Variants in FHDC1 observed in about 807,000 individuals in gnomAD.
FHDC1 encodes the protein FH2 domain-containing protein 1.
FHDC1 carries 25 observed loss-of-function variants against 52.6 expected under a neutral mutation model. The observed-to-expected ratio is 0.48, with a 90% CI of 0.35 to 0.66. The LOEUF is 0.66. Ranked by LOEUF, FHDC1 falls within the 30% of genes least tolerant of loss-of-function variation. The pLI is 0.01. For missense variants in FHDC1, 1,459 were observed against 1,452.8 expected, an observed-to-expected ratio of 1.00 and a Z score of -0.07; for synonymous variants, 616 against 581.5, an observed-to-expected ratio of 1.06 and a Z score of -0.85.
Position 152,975,932 on chromosome 4 carries a change from C to A in FHDC1, c.2641C>A (p.Arg881=). 1.3e-6 allele frequency: 2 copies of A among 1,513,916 alleles called. No homozygotes were observed. Among genetic ancestry groups the A allele is most frequent in the Non-Finnish European group, 1.8e-6 (2 of 1,133,454 alleles). 93.8% of individuals were successfully genotyped at this position (1,513,916 alleles called of 1,614,324 possible). The change falls in exon 12 of 12, where the codon CGG becomes AGG. Residue 881 remains arginine, a synonymous_variant. Transcript: ENST00000511601. Reference sequence around the variant, plus strand: ...CGGGGCCTCCAAGCCCGGGAGCGCCCGGCGGAGCCAGGGGGCAGTGGCCAA... The same window carrying A: ...CGGGGCCTCCAAGCCCGGGAGCGCCAGGCGGAGCCAGGGGGCAGTGGCCAA... ...SPGASKPGSA[R]RSQGAVAKSV...
chr4:152,965,021 G>A (rs1310048572), intron 9 of FHDC1, 46 bp downstream of exon 9: 1 of 1,523,466 alleles, frequency 6.6e-7, no homozygotes, highest in Non-Finnish European at 8.9e-7. Context: ...ACCTTTTTAT[G>A]AAAACTGATA....
chr4:152,929,378 T>A, the FHDC1 span, among the ~76,000 whole-genome samples: 1 of 152,172 alleles, frequency 6.6e-6, no homozygotes, highest in Admixed American at 6.5e-5. This position sits in a 1 kb window ranked among gnomAD's most constrained non-coding sequence, Gnocchi z 4.1. Context: ...GGGATGACTT[T>A]GAGTTCTGTC....
chr4:152,969,405 C>T (rs951235520), intron 10 of FHDC1, among the ~76,000 whole-genome samples: 1 of 152,178 alleles, frequency 6.6e-6, no homozygotes, highest in Non-Finnish European at 1.5e-5. Context: ...TTACAAACAC[C>T]ACCACCAATA....
chr4:152,942,618 A>G (rs1436251719), intron 1 of FHDC1, among the ~76,000 whole-genome samples: 1 of 152,232 alleles, frequency 6.6e-6, no homozygotes, highest in Non-Finnish European at 1.5e-5. Context: ...TTAGTAAACA[A>G]GTAGTTTATT....
At chr4:152,946,484 C>T (rs760333087) in intron 2 of FHDC1, among the ~76,000 whole-genome samples, 5 of 152,164 alleles carry the variant, frequency 3.3e-5, no homozygotes, top group Non-Finnish European at 7.3e-5. Flanking sequence ...TATTTTCTTC[C>T]TTCAATTTTC....
upstream of FHDC1, among the ~76,000 whole-genome samples, chr4:152,934,733 A>G (rs1299240557): frequency 6.6e-6 from 1 of 152,218 alleles, no homozygotes; most frequent in Non-Finnish European, 1.5e-5. Context: ...GCCTTAGGGT[A>G]GGATGCTGCC....
chr4:152,926,813 AC>A, the FHDC1 span, among the ~76,000 whole-genome samples: 636 of 152,066 alleles, frequency 4.2e-3, 3 homozygotes, highest in African/African-American at 0.014. Flanking sequence ...GAAAAAAAAA[AC>A]AAAACAACAA....
At chr4:152,968,307 T>G (rs1740527907) in intron 10 of FHDC1, among the ~76,000 whole-genome samples, 1 of 149,626 alleles carries the variant, frequency 6.7e-6, no homozygotes, top group African/African-American at 2.4e-5. Flanking sequence ...TTTTTTTTTG[T>G]CTCTTCGTTT....
the FHDC1 span, among the ~76,000 whole-genome samples, chr4:152,915,091 A>G: frequency 6.6e-6 from 1 of 152,198 alleles, no homozygotes; most frequent in African/African-American, 2.4e-5. Context: ...GAAGCTTTTT[A>G]TAAAAACTGC....
chr4:152,952,222 G>A (rs1002998495), intron 2 of FHDC1, among the ~76,000 whole-genome samples: 3 of 152,122 alleles, frequency 2.0e-5, no homozygotes, highest in Non-Finnish European at 4.4e-5. Flanking sequence ...ATTTAATGAT[G>A]TTTCCGAAAT....
the FHDC1 span, chr4:152,911,396 C>G: frequency 6.6e-6 from 1 of 152,370 alleles, no homozygotes; most frequent in Non-Finnish European, 1.5e-5. Context: ...TAATTTGGGA[C>G]AGTGTGGTGG....
chr4:152,935,099 C>T (rs1300848448), upstream of FHDC1, among the ~76,000 whole-genome samples: 1 of 152,206 alleles, frequency 6.6e-6, no homozygotes, highest in Non-Finnish European at 1.5e-5. Context: ...CATTTCTCTT[C>T]ATGCACCATC....
intron 10 of FHDC1, among the ~76,000 whole-genome samples, chr4:152,969,458 C>T (rs552193608): frequency 4.5e-4 from 69 of 152,212 alleles, no homozygotes; most frequent in South Asian, 3.1e-3. Context: ...TAAACAAATC[C>T]GGAAAATCAA....
At chr4:152,939,602 C>G (rs1739519953) in intron 1 of FHDC1, among the ~76,000 whole-genome samples, 1 of 152,148 alleles carries the variant, frequency 6.6e-6, no homozygotes, top group Non-Finnish European at 1.5e-5. Flanking sequence ...ATCACAGCAT[C>G]GCCTTATTGA....
the FHDC1 span, among the ~76,000 whole-genome samples, chr4:152,927,218 A>C: frequency 6.6e-6 from 1 of 152,272 alleles, no homozygotes. Context: ...GGGATTCTCT[A>C]AACGGGAGGC....
intron 7 of FHDC1, 60 bp downstream of exon 7, chr4:152,962,944 TG>T (rs879876978): frequency 0.11 from 109,707 of 1,044,622 alleles, 5,125 homozygotes; most frequent in Non-Finnish European, 0.12. Context: ...TCTAAAGGTG[TG>T]TGTGTGTGTG....
At chr4:152,971,085 ATAGGC>A (rs149316633) in intron 10 of FHDC1, among the ~76,000 whole-genome samples, 1 of 152,356 alleles carries the variant, frequency 6.6e-6, no homozygotes, top group African/African-American at 2.4e-5. Flanking sequence ...AGGAAGCAAC[ATAGGC>A]TAGGCTCAGT....
At chr4:152,919,452 T>G in the FHDC1 span, among the ~76,000 whole-genome samples, 1 of 152,210 alleles carries the variant, frequency 6.6e-6, no homozygotes, top group Non-Finnish European at 1.5e-5. Context: ...AAGAAGGCAT[T>G]TTACCATTCT....
upstream of FHDC1, among the ~76,000 whole-genome samples, chr4:152,935,859 A>G (rs1459848780): frequency 1.3e-5 from 2 of 151,844 alleles, no homozygotes; most frequent in South Asian, 2.1e-4. Flanking sequence ...GCGCGTGTAT[A>G]TAAGAGTGTG....
Sources: allele counts gnomAD v4.1 joint callset (sites outside exome capture counted in the v4.1 genomes callset), GRCh38; gene constraint gnomAD v4.1.1; non-coding constraint Gnocchi (gnomAD v3.1); transcripts MANE v1.5; gene names NCBI Gene and HGNC (gene_info 2026-07-23, HGNC 2026-07-21).